The following AOPEP variants were observed in gnomAD, a reference collection of about 807,000 sequenced individuals.
AOPEP encodes the protein aminopeptidase O.
Under a neutral mutation model 98.1 loss-of-function variants are expected in AOPEP, and 77 were observed. The observed-to-expected ratio is 0.78, with a 90% CI of 0.65 to 0.95. The LOEUF (loss-of-function observed/expected upper bound fraction) is 0.95, where lower values mean the gene tolerates loss of function less well. AOPEP is among the 40% of genes least tolerant of loss of function. The pLI is 0.00. For synonymous variants in AOPEP, 346 were observed against 365.3 expected, an observed-to-expected ratio of 0.95 and a Z score of 0.60; for missense variants, 1,024 against 1,024.7, an observed-to-expected ratio of 1.00 and a Z score of 0.01.
chr9:95,127,793 C>T, the AOPEP span, among the ~76,000 whole-genome samples: 7 of 152,256 alleles, frequency 4.6e-5, no homozygotes, highest in Non-Finnish European at 1.0e-4. Context: ...CGCGGCCTCC[C>T]CGATGACATT....
intron 10 of AOPEP, among the ~76,000 whole-genome samples, chr9:94,974,584 A>G (rs1264396362): frequency 6.6e-6 from 1 of 152,200 alleles, no homozygotes; most frequent in Non-Finnish European, 1.5e-5. Flanking sequence ...TGCCCCTCCC[A>G]AGGGTCTCCT....
Position 94,823,466 on chromosome 9 carries a change from C to A in AOPEP, c.1364+22464C>A, listed in dbSNP as rs1344612682. ...TTTTGTTGAACCACTTTTCCAGATT[C>A]TTTGAATCTCACTGAATTCTAATTT... On this transcript the variant is annotated intron_variant, in intron 5 of 16. Transcript: ENST00000375315. 2.0e-5 allele frequency among the ~76,000 whole-genome samples: 3 copies of A among 152,130 alleles called. 1 individual carries two copies. Among genetic ancestry groups the A allele is most frequent in the Admixed American group, 2.0e-4 (3 of 15,284 alleles).
rs72748574 is a variant in AOPEP, at chr9:94,899,449, T to A, written c.1365-24537T>A. Reference sequence around the variant, plus strand: ...TTTAACCGTGCAACTGTTAGCTTATTAATAATTAAAATTATGAAGGCCAGG... The same window carrying A: ...TTTAACCGTGCAACTGTTAGCTTATAAATAATTAAAATTATGAAGGCCAGG... On this transcript the variant is annotated intron_variant, in intron 5 of 16. Coordinates refer to ENST00000375315, the MANE Select transcript of AOPEP (RefSeq NM_001193329.3). Among the ~76,000 whole-genome samples the A allele has an allele frequency of 5.3e-3, 800 of 151,810 alleles. 13 individuals carry two copies. The highest frequency in any genetic ancestry group is 0.044 in the South Asian group (212 of 4,784).
chr9:95,060,434 A>G (rs1320200877), intron 13 of AOPEP, among the ~76,000 whole-genome samples: 2 of 152,210 alleles, frequency 1.3e-5, no homozygotes, highest in Non-Finnish European at 2.9e-5. Context: ...CACAGTTTTG[A>G]TCTGCTCTAA....
the AOPEP span, chr9:95,135,561 T>TA: frequency 6.7e-7 from 1 of 1,503,238 alleles, no homozygotes; most frequent in Non-Finnish European, 9.2e-7. Context: ...AAAAGAAGAT[T>TA]AAAAAAAGTT....
At chr9:94,962,599 A>G (rs774193568) in intron 9 of AOPEP, among the ~76,000 whole-genome samples, 1 of 152,188 alleles carries the variant, frequency 6.6e-6, no homozygotes, top group Non-Finnish European at 1.5e-5. Flanking sequence ...ATTGCTAGTT[A>G]GTTATTGATG....
chr9:94,810,140 C>CTG (rs1273306133), intron 5 of AOPEP: 1 of 154,956 alleles, frequency 6.5e-6, no homozygotes, highest in East Asian at 1.9e-4. Context: ...TCCTGCTTTT[C>CTG]TGTTGCTCAG....
chr9:94,852,359 C>T (rs4744386), intron 5 of AOPEP, among the ~76,000 whole-genome samples: 63,583 of 152,012 alleles, frequency 0.42, 13,693 homozygotes, highest in East Asian at 0.51. Context: ...GGATTCAACC[C>T]TAGTTCAATG....
chr9:94,880,213 A>C (rs79814236), intron 5 of AOPEP, among the ~76,000 whole-genome samples: 1,789 of 152,334 alleles, frequency 0.012, 33 homozygotes, highest in African/African-American at 0.041. Flanking sequence ...AATCATAACG[A>C]TCTGTGATGA....
At chr9:95,083,121 T>G (rs1458727869) in intron 16 of AOPEP, 1 of 180,372 alleles carries the variant, frequency 5.5e-6, no homozygotes, top group Non-Finnish European at 1.2e-5. Flanking sequence ...ATACAGGAGT[T>G]TAAGCGGCCG....
intron 1 of AOPEP, among the ~76,000 whole-genome samples, chr9:94,727,500 C>T (rs371924066): frequency 6.6e-6 from 1 of 151,976 alleles, no homozygotes; most frequent in African/African-American, 2.4e-5. Flanking sequence ...TAACATAACC[C>T]GCTAGGGATG....
rs188869667 is a variant in AOPEP, at chr9:94,947,232, C to T, written c.1662-7945C>T. Among the ~76,000 whole-genome samples, 16 of 152,098 alleles carry T rather than the reference C, an allele frequency of 1.1e-4. 2 individuals are homozygous for T. Among genetic ancestry groups the T allele is most frequent in the East Asian group, 1.9e-4 (1 of 5,148 alleles). On this transcript the variant is annotated intron_variant, in intron 7 of 16. Coordinates refer to ENST00000375315, the MANE Select transcript of AOPEP (RefSeq NM_001193329.3). ...ACCTGACCTCGTGATCCACCCGCCT[C>T]GGCCTCCCAAAGTGCTGGGATTACA... is the stretch of plus-strand genomic sequence containing the variant.
chr9:94,731,355 G>A (rs1830487546), intron 1 of AOPEP, among the ~76,000 whole-genome samples: 1 of 151,756 alleles, frequency 6.6e-6, no homozygotes, highest in Admixed American at 6.6e-5. Flanking sequence ...AGCCTCCCGA[G>A]TAGCTGGGAC....
chr9:94,928,330 C>A (rs2136989347), intron 6 of AOPEP, 95 bp from the exon 7 acceptor site: 1 of 865,886 alleles, frequency 1.2e-6, no homozygotes, highest in Non-Finnish European at 1.8e-6. Flanking sequence ...GGCAGGCTAT[C>A]TTGTCCCCCA....
chr9:94,887,707 G>A (rs1261170097), intron 5 of AOPEP, among the ~76,000 whole-genome samples: 1 of 152,210 alleles, frequency 6.6e-6, no homozygotes, highest in African/African-American at 2.4e-5. Context: ...GACCAAATCA[G>A]TGAGATAACT....
At chr9:94,979,499 G>C in intron 11 of AOPEP, 72 bp downstream of exon 11, 3 of 914,180 alleles carry the variant, frequency 3.3e-6, no homozygotes, top group Admixed American at 2.0e-5. Flanking sequence ...CATCAATCAT[G>C]ACAGTGATTT....
At position 94,920,021 on chromosome 9, in the gene AOPEP, C is replaced by T. The variant is rs141806561; in HGVS notation, c.1365-3965C>T. Among the ~76,000 whole-genome samples, 92 of 152,296 alleles carry T rather than the reference C, an allele frequency of 6.0e-4. No homozygotes were observed. The East Asian group carries it at 0.015, about 25-fold the overall frequency. On this transcript the variant is annotated intron_variant, in intron 5 of 16. Transcript: ENST00000375315. ...GTAAACTTGCGGCCAGGCGCAGTGACTCATGCCTGTGATCCTAGCACTTTG... is the reference window on the plus strand; with the variant it reads ...GTAAACTTGCGGCCAGGCGCAGTGATTCATGCCTGTGATCCTAGCACTTTG...
the AOPEP span, among the ~76,000 whole-genome samples, chr9:95,104,409 G>A: frequency 6.6e-6 from 1 of 152,180 alleles, no homozygotes; most frequent in South Asian, 2.1e-4. Flanking sequence ...CTCTGTGGCG[G>A]AACTGACTTG....
At chr9:95,004,808 C>T (rs2061825076) in intron 11 of AOPEP, among the ~76,000 whole-genome samples, 1 of 147,054 alleles carries the variant, frequency 6.8e-6, no homozygotes, top group South Asian at 2.1e-4. Flanking sequence ...GCGGCCGGAG[C>T]CCGGGAGCGG....
Sources: gnomAD v4.1 joint callset for allele counts (sites outside exome capture counted in the v4.1 genomes callset) on GRCh38, gnomAD v4.1.1 for gene constraint, MANE v1.5 for transcripts, NCBI Gene and HGNC (gene_info 2026-07-23, HGNC 2026-07-21) for gene names.